Variants in HNMT observed in about 807,000 individuals in gnomAD.
HNMT encodes the protein histamine N-methyltransferase.
A neutral mutation model predicts 32.1 loss-of-function variants in HNMT; 30 were observed. That is an observed-to-expected ratio of 0.93 (90% CI 0.70 to 1.27). The LOEUF is 1.27. HNMT is among the 50% of genes most tolerant of loss of function. The probability of loss-of-function intolerance (pLI) is 0.00; values close to 1 mark genes in which losing one functional copy is unlikely to be tolerated. For missense variants in HNMT, 327 were observed against 346.0 expected (o/e 0.95, Z 0.43); for synonymous variants, 125 against 119.0 (o/e 1.05, Z -0.33).
chr2:137,980,543 T>G (rs903611772), intron 2 of HNMT, among the ~76,000 whole-genome samples: 2 of 152,176 alleles, frequency 1.3e-5, no homozygotes, highest in African/African-American at 4.8e-5. Flanking sequence ...TTCTGAGTTT[T>G]CCATCAAATA....
intron 5 of HNMT, among the ~76,000 whole-genome samples, chr2:138,012,435 G>C (rs1681534672): frequency 6.6e-6 from 1 of 152,196 alleles, no homozygotes; most frequent in Admixed American, 6.5e-5. Context: ...TAAACTTGGG[G>C]ACAAGATTTA....
chr2:137,984,903 C>T (rs1416448731), intron 2 of HNMT, among the ~76,000 whole-genome samples: 1 of 152,008 alleles, frequency 6.6e-6, no homozygotes, highest in Non-Finnish European at 1.5e-5. Context: ...GAAAAGCATG[C>T]AGAATTCTGG....
At chr2:137,982,977 G>C (rs951619319) in intron 2 of HNMT, among the ~76,000 whole-genome samples, 1 of 152,180 alleles carries the variant, frequency 6.6e-6, no homozygotes, top group Non-Finnish European at 1.5e-5. Context: ...GGCTCAGATG[G>C]TTTAAGATGC....
At chr2:137,995,898 AC>A (rs1461888525) in intron 2 of HNMT, among the ~76,000 whole-genome samples, 1 of 152,206 alleles carries the variant, frequency 6.6e-6, no homozygotes, top group Non-Finnish European at 1.5e-5. Context: ...TATCACATAA[AC>A]AGACCGAAAG....
At chr2:138,002,478 C>A in intron 4 of HNMT, 1 of 533,112 alleles carries the variant, frequency 1.9e-6, no homozygotes. Flanking sequence ...ATGGGAGTCT[C>A]GCTGTGTCAT....
intron 5 of HNMT, among the ~76,000 whole-genome samples, chr2:138,007,656 A>G (rs1299788761): frequency 6.6e-6 from 1 of 151,978 alleles, no homozygotes; most frequent in African/African-American, 2.4e-5. Flanking sequence ...TCCAAGTTCA[A>G]CTTTTGATTT....
At chr2:137,966,967 T>G (rs1679977120) in intron 1 of HNMT, 1 of 687,938 alleles carries the variant, frequency 1.5e-6, no homozygotes, top group Non-Finnish European at 2.6e-6. Context: ...GAACGAGAGG[T>G]AAACTTTTTG....
In HNMT at chr2:138,002,152, G is replaced by C; in HGVS notation, c.387G>C (p.Glu129Asp). Reference sequence around the variant, plus strand: ...CTGAATACCAAAGTAGAATGTTGGAGAAAAAGGAGCTTCAAAAGTGGGACT... The same window carrying C: ...CTGAATACCAAAGTAGAATGTTGGACAAAAAGGAGCTTCAAAAGTGGGACT... ...TSSEYQSRML[E>D]KKELQKWDFI... Residue 129 changes from glutamate to aspartate, a missense_variant, in exon 4 of 6, where the codon GAG (glutamate) becomes GAC (aspartate). Glu to Asp is a conservative substitution (Grantham distance 45). Transcript: ENST00000280097. 1.3e-6 allele frequency: 2 copies of C among 1,595,964 alleles called. No individual in the cohort carries two copies. The highest frequency in any genetic ancestry group is 1.7e-6 in the Non-Finnish European group (2 of 1,167,948).
At chr2:137,971,720 G>T (rs1680142575) in intron 2 of HNMT, among the ~76,000 whole-genome samples, 1 of 152,166 alleles carries the variant, frequency 6.6e-6, no homozygotes, top group Admixed American at 6.5e-5. Flanking sequence ...TGCTCCTGGA[G>T]AGTGAAGGCT....
chr2:137,970,324 G>C, intron 2 of HNMT, 107 bp downstream of exon 2: 1 of 574,588 alleles, frequency 1.7e-6, no homozygotes, highest in Admixed American at 3.4e-5. Context: ...GCTTTTGGAA[G>C]AGATCGGCTT....
intron 2 of HNMT, among the ~76,000 whole-genome samples, chr2:137,985,960 C>A (rs992021199): frequency 6.6e-6 from 1 of 151,920 alleles, no homozygotes; most frequent in South Asian, 2.1e-4. Context: ...CAGAGCGAGA[C>A]TCCATCTCAA....
rs1252165290 is a variant in HNMT at position 137,982,870 on chromosome 2, T to C, written c.190+12653T>C. Among the ~76,000 whole-genome samples the C allele has an allele frequency of 7.2e-5, 11 of 152,346 alleles. No individual in the cohort carries two copies. In the South Asian group the frequency reaches 2.3e-3, roughly 32 times the overall value. On this transcript the variant is annotated intron_variant, in intron 2 of 5. Transcript: ENST00000280097. Reference sequence around the variant, plus strand: ...AAGGCTTATTATTTTCCAGACACTTTGCTAGCCACTTGACATATGTAATCA... The same window carrying C: ...AAGGCTTATTATTTTCCAGACACTTCGCTAGCCACTTGACATATGTAATCA...
rs117192044 is a variant in HNMT at position 137,985,595 on chromosome 2, C to T, written c.191-15323C>T. On this transcript the variant is annotated intron_variant, in intron 2 of 5. Coordinates refer to ENST00000280097, the MANE Select transcript of HNMT (RefSeq NM_006895.3). ...GAGTCTGTCTATGCATTCATGCATC[C>T]GTCTAACCAGCTGTCTACCTACTTA... Among the ~76,000 whole-genome samples, 29 of 152,238 alleles carry T rather than the reference C, an allele frequency of 1.9e-4. No homozygotes were observed. In the East Asian group the frequency reaches 3.7e-3, roughly 19 times the overall value.
rs1370689437 is a variant in HNMT, at chr2:138,014,666, A to T, written c.*536A>T. ...AATTAATTCTTTATCACATGTTGTCATTTCTTCCCATTGTGTTTTCTCTTG... is the reference window on the plus strand; with the variant it reads ...AATTAATTCTTTATCACATGTTGTCTTTTCTTCCCATTGTGTTTTCTCTTG... On this transcript the variant is annotated 3_prime_UTR_variant, in exon 6 of 6. Transcript: ENST00000280097. 1 of 152,220 alleles carries T rather than the reference A, an allele frequency of 6.6e-6. No homozygotes were observed. 9.4% of individuals were successfully genotyped at this position (152,220 alleles called of 1,614,324 possible). A position where few individuals can be genotyped will look rare whatever the true frequency, so the allele number is the denominator to read the frequency against.
At chr2:138,012,741 G>A (rs189121242) in intron 5 of HNMT, among the ~76,000 whole-genome samples, 134 of 152,052 alleles carry the variant, frequency 8.8e-4, no homozygotes, top group African/African-American at 3.1e-3. Context: ...CTTCTCAGGC[G>A]CCCTCACAGA....
chr2:137,967,260 AAGTT>A (rs937754227), intron 1 of HNMT: 1 of 617,426 alleles, frequency 1.6e-6, no homozygotes, highest in Non-Finnish European at 2.9e-6. Flanking sequence ...AAAAGTGAAA[AAGTT>A]AGCTGAACAA....
intron 2 of HNMT, among the ~76,000 whole-genome samples, chr2:137,976,655 T>G (rs911647903): frequency 5.3e-5 from 8 of 152,170 alleles, no homozygotes; most frequent in Non-Finnish European, 1.2e-4. Flanking sequence ...ATCATAGCAG[T>G]TAACTCCTTT....
rs563135540 is a variant in HNMT, at chr2:138,014,165, T to C, written c.*35T>C. On this transcript the variant is annotated 3_prime_UTR_variant, in exon 6 of 6. Coordinates refer to ENST00000280097, the MANE Select transcript of HNMT (RefSeq NM_006895.3). The stretch of plus-strand genomic sequence containing the variant: ...ACAAAAGTATATTCAAAAATTATAT[T>C]TTGAACAACTCGAATCACTCATTTA... The C allele has an allele frequency of 8.0e-6, 10 of 1,256,568 alleles. No homozygotes were observed. The Admixed American group carries it at 1.1e-4, about 14-fold the overall frequency. The allele number at this position is 1,256,568 out of a possible 1,614,324, so 77.8% of individuals were successfully genotyped here.
intron 1 of HNMT, among the ~76,000 whole-genome samples, chr2:137,968,739 A>C (rs997880703): frequency 1.3e-5 from 2 of 152,146 alleles, no homozygotes; most frequent in African/African-American, 4.8e-5. Flanking sequence ...GAATTGAAGA[A>C]GGCAAATCAT....
Sources: allele counts gnomAD v4.1 joint callset (sites outside exome capture counted in the v4.1 genomes callset), GRCh38; gene constraint gnomAD v4.1.1; transcripts MANE v1.5; gene names NCBI Gene and HGNC (gene_info 2026-07-23, HGNC 2026-07-21).